The following PALLD variants were observed in gnomAD, a reference collection of about 807,000 sequenced individuals.
The protein encoded by PALLD is palladin.
PALLD carries 61 observed loss-of-function variants against 123.5 expected under a neutral mutation model. That is an observed-to-expected ratio of 0.49 (90% CI 0.40 to 0.61). The LOEUF (loss-of-function observed/expected upper bound fraction) is 0.61, where lower values mean the gene tolerates loss of function less well. PALLD is among the 20% of genes least tolerant of loss of function. PALLD has a pLI of 0.00. For synonymous variants in PALLD, 465 were observed against 496.4 expected (o/e 0.94, Z 0.84); for missense variants, 1,273 against 1,377.0 (o/e 0.92, Z 1.20).
chr4:168,555,273 A>G, intron 2 of PALLD, among the ~76,000 whole-genome samples: 1 of 152,218 alleles, frequency 6.6e-6, no homozygotes, highest in Non-Finnish European at 1.5e-5. Context: ...TTAGGAACGG[A>G]GCATAGAGAA....
chr4:168,504,112 A>G (rs1024952592), intron 1 of PALLD, among the ~76,000 whole-genome samples: 1 of 152,172 alleles, frequency 6.6e-6, no homozygotes, highest in African/African-American at 2.4e-5. Flanking sequence ...CGCCTGCCTC[A>G]TCTTTGTCCT....
intron 16 of PALLD, 82 bp from the exon 17 acceptor site, chr4:168,915,813 A>G: frequency 9.2e-7 from 1 of 1,083,566 alleles, no homozygotes; most frequent in South Asian, 1.3e-5. Context: ...TACCCCATGT[A>G]TTTTAAGAAA....
chr4:168,588,196 TG>T (rs542673632), intron 2 of PALLD, among the ~76,000 whole-genome samples: 9 of 152,088 alleles, frequency 5.9e-5, no homozygotes, highest in Non-Finnish European at 1.3e-4. Context: ...CCAGGATCAC[TG>T]TGAGCCCTGG....
chr4:168,766,682 T>G (rs953809182), intron 10 of PALLD, among the ~76,000 whole-genome samples: 1 of 152,228 alleles, frequency 6.6e-6, no homozygotes, highest in African/African-American at 2.4e-5. Context: ...TCAGTGCTTG[T>G]TCTTCCACTG....
In PALLD at chr4:168,746,380, C is replaced by CAA. The variant is rs747755592; in HGVS notation, c.1964+34486_1964+34487dup. On this transcript the variant is annotated intron_variant, in intron 10 of 21. Coordinates refer to ENST00000505667, the MANE Select transcript of PALLD (RefSeq NM_001166108.2). ...TGGGCGACAGAGCGAGAACCCGTCT[C>CAA]AAAAAAAAAAAAAAAAAAAAAAAAA... 5.8e-3 allele frequency among the ~76,000 whole-genome samples: 216 copies of CAA among 36,990 alleles called. 26 individuals are homozygous for CAA. The highest frequency in any genetic ancestry group is 0.011 in the African/African-American group (139 of 12,916). 24.3% of individuals were successfully genotyped at this position (36,990 alleles called of 152,430 possible). A position where few individuals can be genotyped will look rare whatever the true frequency, so the allele number is the denominator to read the frequency against.
At chr4:168,846,868 A>C (rs1183339103) in intron 10 of PALLD, among the ~76,000 whole-genome samples, 1 of 152,214 alleles carries the variant, frequency 6.6e-6, no homozygotes, top group Non-Finnish European at 1.5e-5. Flanking sequence ...CCACTACTAG[A>C]AATAAGCAAT....
chr4:168,524,590 C>T lies in PALLD; in HGVS notation c.908+12178C>T, dbSNP rs1294919235. ...AAGTATCCCTCCCCTAGAGCATTAA[C>T]GAATCTGTACATTTTAACTGCTATA... On this transcript the variant is annotated intron_variant, in intron 2 of 21. Transcript: ENST00000505667. Among the ~76,000 whole-genome samples the T allele has an allele frequency of 3.3e-5, 5 of 152,058 alleles. 1 individual carries two copies. The highest frequency in any genetic ancestry group is 5.9e-5 in the Non-Finnish European group (4 of 68,008).
intron 10 of PALLD, among the ~76,000 whole-genome samples, chr4:168,715,326 A>T (rs13142115): frequency 0.54 from 81,217 of 151,718 alleles, 22,409 homozygotes; most frequent in African/African-American, 0.67. Context: ...GTCCCAGATG[A>T]CCTGCACACA....
chr4:168,684,470 T>C (rs757739797), intron 5 of PALLD, among the ~76,000 whole-genome samples: 9 of 152,188 alleles, frequency 5.9e-5, no homozygotes, highest in Non-Finnish European at 1.2e-4. Flanking sequence ...CGGAGGGACC[T>C]TAAGCAAATA....
chr4:168,630,741 G>C (rs1775725813), intron 2 of PALLD, among the ~76,000 whole-genome samples: 1 of 152,148 alleles, frequency 6.6e-6, no homozygotes, highest in Non-Finnish European at 1.5e-5. Flanking sequence ...CTGTTTCTCA[G>C]ACTGGCCAAT....
chr4:168,886,154 T>TA (rs1028053823), intron 10 of PALLD, among the ~76,000 whole-genome samples: 74 of 152,352 alleles, frequency 4.9e-4, no homozygotes, highest in African/African-American at 1.5e-3. Flanking sequence ...TTGGTTTTTT[T>TA]AATATATTTT....
chr4:168,796,068 T>C (rs1738454689), intron 10 of PALLD, among the ~76,000 whole-genome samples: 1 of 152,226 alleles, frequency 6.6e-6, no homozygotes, highest in African/African-American at 2.4e-5. Context: ...TACATGCTTT[T>C]AGTTATTTTT....
At chr4:168,749,110 GTTCTCGTTAAAAGTGTGTGGCAC>G (rs890496236) in intron 10 of PALLD, among the ~76,000 whole-genome samples, 3 of 152,098 alleles carry the variant, frequency 2.0e-5, no homozygotes, top group African/African-American at 7.2e-5. Flanking sequence ...TAGTCAGTGA[GTTCTCGTTAAAAGTGTGTGGCAC>G]TTCCCTGCCA....
intron 15 of PALLD, among the ~76,000 whole-genome samples, chr4:168,909,461 T>C (rs990635332): frequency 6.6e-6 from 1 of 152,182 alleles, no homozygotes; most frequent in Non-Finnish European, 1.5e-5. Flanking sequence ...CAAACTTATT[T>C]GTAATATAAG....
chr4:168,636,399 C>T (rs965774643), intron 2 of PALLD, among the ~76,000 whole-genome samples: 3 of 152,178 alleles, frequency 2.0e-5, no homozygotes, highest in Admixed American at 6.5e-5. Flanking sequence ...GCGAGAAGAT[C>T]GCTTGAGCTC....
At chr4:168,729,425 A>G (rs1216609487) in intron 10 of PALLD, among the ~76,000 whole-genome samples, 1 of 152,078 alleles carries the variant, frequency 6.6e-6, no homozygotes, top group African/African-American at 2.4e-5. Flanking sequence ...TGGCATCCCA[A>G]GGTGCTAGGA....
At chr4:168,922,735 A>C (rs914671544) in intron 18 of PALLD, among the ~76,000 whole-genome samples, 2 of 152,204 alleles carry the variant, frequency 1.3e-5, no homozygotes, top group Admixed American at 1.3e-4. Context: ...AAAGTACTCT[A>C]TATTCTTACA....
rs70961555 is a variant in PALLD, at chr4:168,761,645, GTTTTTTTTTTTT to G, written c.1964+49742_1964+49753del. ...CCAGCTATTTTTGTTGTTGTTGTTTGTTTTTTTTTTTTTTTTTTTTTTTTTTTTTTTGTAGTT... is the reference window on the plus strand; with the variant it reads ...CCAGCTATTTTTGTTGTTGTTGTTTGTTTTTTTTTTTTTTTTTTTGTAGTT... On this transcript the variant is annotated intron_variant, in intron 10 of 21. Coordinates refer to ENST00000505667, the MANE Select transcript of PALLD (RefSeq NM_001166108.2). Among the ~76,000 whole-genome samples the G allele has an allele frequency of 6.7e-3, 590 of 88,026 alleles. 5 individuals are homozygous for G. The highest frequency in any genetic ancestry group is 9.4e-3 in the Non-Finnish European group (423 of 45,154). 57.7% of individuals were successfully genotyped at this position (88,026 alleles called of 152,430 possible).
intron 3 of PALLD, 49 bp from the exon 4 acceptor site, chr4:168,681,283 A>G: frequency 1.9e-6 from 2 of 1,058,354 alleles, no homozygotes; most frequent in Non-Finnish European, 1.5e-6. Flanking sequence ...CAATTATTAT[A>G]GATAACACTG....
Sources: gnomAD v4.1 joint callset for allele counts (sites outside exome capture counted in the v4.1 genomes callset) on GRCh38, gnomAD v4.1.1 for gene constraint, MANE v1.5 for transcripts, NCBI Gene and HGNC (gene_info 2026-07-23, HGNC 2026-07-21) for gene names.